AATK: variants seen among roughly 807,000 people sequenced by gnomAD.
AATK encodes the protein lemur tail kinase 1.
Under a neutral mutation model 114.3 loss-of-function variants are expected in AATK, and 91 were observed. That is an observed-to-expected ratio of 0.80 (90% CI 0.67 to 0.95). The LOEUF is 0.95. AATK is among the 40% of genes least tolerant of loss of function. AATK has a pLI of 0.00. For synonymous variants in AATK, 1,075 were observed against 916.5 expected, an observed-to-expected ratio of 1.17 and a Z score of -3.12; for missense variants, 2,176 against 1,965.2, an observed-to-expected ratio of 1.11 and a Z score of -2.03.
chr17:81,164,998 G>A (rs1057327622), intron 1 of AATK, among the ~76,000 whole-genome samples: 1 of 152,204 alleles, frequency 6.6e-6, no homozygotes, highest in Non-Finnish European at 1.5e-5. Flanking sequence ...TCCAGGGAAG[G>A]AGACACAGGA....
chr17:81,145,715 G>C (rs1348206437), intron 1 of AATK, among the ~76,000 whole-genome samples: 1 of 116,100 alleles, frequency 8.6e-6, no homozygotes. Flanking sequence ...CCTTGGCAAC[G>C]AGAGCAAAAC....
At position 81,134,329 on chromosome 17, in the gene AATK, C is replaced by T. The variant is rs776953979; in HGVS notation, c.189+39G>A. ...AAGTGGACGCTACAGGCCTTGCCTGCGGGATCCCACGACAGCTCCCGCGGC... is the reference window on the plus strand; with the variant it reads ...AAGTGGACGCTACAGGCCTTGCCTGTGGGATCCCACGACAGCTCCCGCGGC... On this transcript the variant is annotated intron_variant, in intron 2 of 13. Coordinates refer to ENST00000326724, the MANE Select transcript of AATK (RefSeq NM_001080395.3). The T allele has an allele frequency of 1.6e-5, 25 of 1,609,688 alleles. 1 individual carries two copies. Among genetic ancestry groups the T allele is most frequent in the African/African-American group, 2.7e-5 (2 of 74,992 alleles).
At chr17:81,123,482 C>T (rs1388426203) in intron 9 of AATK, 139 bp from the exon 10 acceptor site, 10 of 744,834 alleles carry the variant, frequency 1.3e-5, no homozygotes, top group East Asian at 6.8e-5. Context: ...CCATACCAGC[C>T]GCCCCTCCCT....
intron 7 of AATK, among the ~76,000 whole-genome samples, chr17:81,125,536 G>A (rs947188605): frequency 1.9e-4 from 29 of 152,316 alleles, no homozygotes; most frequent in African/African-American, 7.0e-4. Context: ...TGGCCCCAGG[G>A]TTGGGTAGGG....
At position 81,122,633 on chromosome 17, in the gene AATK, G is replaced by A; in HGVS notation, c.1303C>T (p.Leu435=). Residue 435 remains leucine, a synonymous_variant, in exon 11 of 14, where the codon CTG becomes TTG. Coordinates refer to ENST00000326724, the MANE Select transcript of AATK (RefSeq NM_001080395.3). ...GPGPGAAGPM[L]GGVVELAAAS... Reference sequence around the variant, plus strand: ...GCGGCGAGCTCCACCACGCCGCCCAGCATGGGCCCCGCCGCACCGGGCCCG... The same window carrying A: ...GCGGCGAGCTCCACCACGCCGCCCAACATGGGCCCCGCCGCACCGGGCCCG... 7.0e-7 allele frequency: 1 copy of A among 1,426,782 alleles called. No homozygotes were observed. Among genetic ancestry groups the A allele is most frequent in the Non-Finnish European group, 9.2e-7 (1 of 1,083,954 alleles). The allele number at this position is 1,426,782 out of a possible 1,614,324, so 88.4% of individuals were successfully genotyped here. A position where few individuals can be genotyped will look rare whatever the true frequency, so the allele number is the denominator to read the frequency against.
rs1459664519 is a variant in AATK at position 81,121,154 on chromosome 17, A to C, written c.2782T>G (p.Ser928Ala). 1 of 1,603,872 alleles carries C rather than the reference A, an allele frequency of 6.2e-7. No homozygotes were observed. Among genetic ancestry groups the C allele is most frequent in the Non-Finnish European group, 8.5e-7 (1 of 1,176,108 alleles). The change falls in exon 11 of 14, where the codon TCT (serine) becomes GCT (alanine). Residue 928 changes from serine (S) to alanine (A), a missense_variant. Transcript: ENST00000326724. Reference protein sequence around the residue: ...EVFSPSATGPSGGQPRALDSG... With the variant: ...EVFSPSATGPAGGQPRALDSG... ...TCCAGCGCTCGCGGCTGCCCTCCAG[A>C]GGGGCCAGTGGCCGACGGGCTGAAG...
chr17:81,137,078 C>A (rs1293818153), intron 1 of AATK, among the ~76,000 whole-genome samples: 1 of 151,910 alleles, frequency 6.6e-6, no homozygotes, highest in African/African-American at 2.4e-5. Context: ...GCCAACACAG[C>A]GAAACCCCAT....
chr17:81,119,161 GT>G (rs1424322872), intron 13 of AATK, among the ~76,000 whole-genome samples: 81 of 59,128 alleles, frequency 1.4e-3, no homozygotes, highest in Admixed American at 7.2e-3. Context: ...TCAGGTGAGG[GT>G]CAGGTGAGGG....
At chr17:81,148,865 G>A (rs8073670) in intron 1 of AATK, among the ~76,000 whole-genome samples, 5,985 of 152,260 alleles carry the variant, frequency 0.039, 128 homozygotes, top group Middle Eastern at 0.051. Context: ...CTGAGCCAGC[G>A]GGGCCTACCC....
At chr17:81,127,518 C>T in intron 6 of AATK, 65 bp downstream of exon 6, 2 of 1,493,346 alleles carry the variant, frequency 1.3e-6, no homozygotes, top group East Asian at 2.4e-5. Context: ...GCACCAGACA[C>T]TGGCAGGGCA....
chr17:81,121,714 C>T lies in AATK; in HGVS notation c.2222G>A (p.Cys741Tyr), dbSNP rs764758940. ...LQAASAQEPG[C>Y]CPGLPHLCSA... is the part of the protein sequence containing the mutation. ...GCATAGATGAGGGAGGCCGGGGCAG[C>T]AGCCTGGCTCCTGGGCAGAGGCTGC... Residue 741 changes from cysteine to tyrosine, a missense_variant, in exon 11 of 14, where the codon TGC (cysteine) becomes TAC (tyrosine). Around this residue, in one of 4 missense-constraint regions of AATK, gnomAD observed 1,701 missense variants for 1,394.7 expected, o/e 1.22. Transcript: ENST00000326724. The T allele has an allele frequency of 2.0e-6, 3 of 1,492,154 alleles. No homozygotes were observed. Among genetic ancestry groups the T allele is most frequent in the South Asian group, 2.6e-5 (2 of 77,206 alleles). The allele number at this position is 1,492,154 out of a possible 1,614,324, so 92.4% of individuals were successfully genotyped here.
At chr17:81,120,131 G>C (rs767076655) in intron 11 of AATK, 48 bp from the exon 12 acceptor site, 30 of 1,487,238 alleles carry the variant, frequency 2.0e-5, no homozygotes, top group Non-Finnish European at 2.3e-5. Context: ...AGGAGCCGCG[G>C]CCGCTCCCAC....
chr17:81,131,340 G>A (rs1229694219), intron 2 of AATK, 135 bp from the exon 3 acceptor site: 2 of 1,214,400 alleles, frequency 1.6e-6, no homozygotes, highest in East Asian at 2.6e-5. Flanking sequence ...CAGAGTTGGA[G>A]CCACCGCCCC....
chr17:81,125,956 C>T (rs759457439), intron 7 of AATK: 16 of 479,952 alleles, frequency 3.3e-5, no homozygotes, highest in Admixed American at 2.3e-4. Context: ...GAGAGGACAG[C>T]CGTGCGGCGT....
intron 1 of AATK, among the ~76,000 whole-genome samples, chr17:81,160,743 G>T (rs2061421243): frequency 6.6e-6 from 1 of 152,246 alleles, no homozygotes; most frequent in Non-Finnish European, 1.5e-5. Flanking sequence ...CCTCCCGTCA[G>T]CCTTGCCCTG....
Position 81,166,115 on chromosome 17 carries a change from C to A in AATK, c.-123G>T, listed in dbSNP as rs2061487986. On this transcript the variant is annotated 5_prime_UTR_variant, in exon 1 of 14. Coordinates refer to ENST00000326724, the MANE Select transcript of AATK (RefSeq NM_001080395.3). Reference sequence around the variant, plus strand: ...GGTGCGGAGCGCGCCGGCCCCCGCGCCCCGCGCCCCCCGCCGCAGCCGCAG... The same window carrying A: ...GGTGCGGAGCGCGCCGGCCCCCGCGACCCGCGCCCCCCGCCGCAGCCGCAG... The A allele has an allele frequency of 2.3e-6, 1 of 438,710 alleles. No individual in the cohort carries two copies. Among genetic ancestry groups the A allele is most frequent in the Non-Finnish European group, 3.0e-6 (1 of 335,002 alleles). 27.2% of individuals were successfully genotyped at this position (438,710 alleles called of 1,614,324 possible).
intron 1 of AATK, among the ~76,000 whole-genome samples, chr17:81,155,427 G>A (rs1026985211): frequency 2.0e-5 from 3 of 151,314 alleles, no homozygotes; most frequent in African/African-American, 7.3e-5. Flanking sequence ...TCACTCTGTC[G>A]CCCAAGTTGG....
chr17:81,128,804 G>A, intron 3 of AATK: 1 of 1,284,032 alleles, frequency 7.8e-7, no homozygotes, highest in Non-Finnish European at 1.0e-6. Flanking sequence ...GAAGGTGCCT[G>A]AAGCCACTGG....
intron 12 of AATK, among the ~76,000 whole-genome samples, 157 bp from the exon 13 acceptor site, chr17:81,119,737 A>C (rs955286307): frequency 3.5e-5 from 5 of 141,996 alleles, no homozygotes; most frequent in Non-Finnish European, 3.0e-5. Flanking sequence ...CCTCCCATGC[A>C]GCACGGACAA....
Sources: allele counts gnomAD v4.1 joint callset (sites outside exome capture counted in the v4.1 genomes callset), GRCh38; gene constraint gnomAD v4.1.1; regional missense constraint gnomAD v4.1.1; transcripts MANE v1.5; gene names NCBI Gene and HGNC (gene_info 2026-07-23, HGNC 2026-07-21).